SEMA6D: variants seen among roughly 807,000 people sequenced by gnomAD.
SEMA6D encodes semaphorin 6D, also known as semaphorin-6D.
In SEMA6D, 35 loss-of-function variants were observed where a neutral mutation model predicts 106.6. The observed-to-expected ratio is 0.33, with a 90% CI of 0.25 to 0.44. The LOEUF (loss-of-function observed/expected upper bound fraction) is 0.44. SEMA6D is among the 20% of genes least tolerant of loss of function. The pLI is 1.00. For missense variants in SEMA6D, 1,185 were observed against 1,345.9 expected (o/e 0.88, Z 1.87); for synonymous variants, 499 against 487.7 (o/e 1.02, Z -0.31).
chr15:47,526,973 G>A (rs764321570), intron 3 of SEMA6D, among the ~76,000 whole-genome samples: 16 of 152,092 alleles, frequency 1.1e-4, no homozygotes, highest in Non-Finnish European at 1.5e-4. Flanking sequence ...TCCTGAGCTC[G>A]TGATCTGCCC....
intron 4 of SEMA6D, among the ~76,000 whole-genome samples, chr15:47,648,259 G>T (rs1162035927): frequency 6.6e-6 from 1 of 152,134 alleles, no homozygotes; most frequent in Non-Finnish European, 1.5e-5. Context: ...TGTCTGCATG[G>T]GCTTCCTCCT....
chr15:47,307,439 A>G (rs573316505), intron 1 of SEMA6D, among the ~76,000 whole-genome samples: 1 of 152,340 alleles, frequency 6.6e-6, no homozygotes, highest in Admixed American at 6.5e-5. Flanking sequence ...GGTAATTCTC[A>G]GATTTTTCTT....
At chr15:47,563,155 A>G (rs1458567072) in intron 3 of SEMA6D, among the ~76,000 whole-genome samples, 1 of 152,202 alleles carries the variant, frequency 6.6e-6, no homozygotes, top group African/African-American at 2.4e-5. Context: ...TAGTCAATAG[A>G]TTAGTGATTG....
chr15:47,733,207 A>G (rs1441294980), intron 1 of SEMA6D, among the ~76,000 whole-genome samples: 2 of 151,996 alleles, frequency 1.3e-5, no homozygotes, highest in African/African-American at 2.4e-5. Flanking sequence ...CTTTCTTATC[A>G]CTTAATGAAA....
At chr15:47,555,599 G>T (rs1464998052) in intron 3 of SEMA6D, among the ~76,000 whole-genome samples, 1 of 152,144 alleles carries the variant, frequency 6.6e-6, no homozygotes. Flanking sequence ...TCATGTGGTG[G>T]TGGGGAGTCT....
chr15:47,697,281 A>G (rs973596789), intron 4 of SEMA6D, among the ~76,000 whole-genome samples: 1 of 152,164 alleles, frequency 6.6e-6, no homozygotes, highest in Non-Finnish European at 1.5e-5. Context: ...CAGGAAGGAC[A>G]TGTCTGTTCA....
At chr15:47,304,897 T>C (rs1253370228) in intron 1 of SEMA6D, among the ~76,000 whole-genome samples, 1 of 152,204 alleles carries the variant, frequency 6.6e-6, no homozygotes, top group Admixed American at 6.5e-5. Context: ...TCAACAACAA[T>C]ATTCAGTCCT....
intron 2 of SEMA6D, among the ~76,000 whole-genome samples, chr15:47,418,013 A>T (rs1008080236): frequency 2.0e-4 from 30 of 152,082 alleles, no homozygotes; most frequent in African/African-American, 7.0e-4. Context: ...TATAGCATTT[A>T]TATATTTTAT....
At chr15:47,500,458 A>G (rs2043812208) in intron 3 of SEMA6D, among the ~76,000 whole-genome samples, 1 of 152,152 alleles carries the variant, frequency 6.6e-6, no homozygotes. Flanking sequence ...TTTATTCCAT[A>G]CTTTTATCAA....
At chr15:47,672,253 C>A (rs2078151782) in intron 4 of SEMA6D, among the ~76,000 whole-genome samples, 1 of 152,212 alleles carries the variant, frequency 6.6e-6, no homozygotes, top group African/African-American at 2.4e-5. Context: ...TCCTGCTAAG[C>A]ATTTTGTGTC....
intron 4 of SEMA6D, among the ~76,000 whole-genome samples, chr15:47,628,382 A>G (rs936350281): frequency 6.6e-6 from 1 of 152,070 alleles, no homozygotes; most frequent in African/African-American, 2.4e-5. Flanking sequence ...TCTGACCAGC[A>G]AGGTATGTGA....
At chr15:47,669,278 A>G (rs1243124512) in intron 4 of SEMA6D, among the ~76,000 whole-genome samples, 81 of 152,262 alleles carry the variant, frequency 5.3e-4, no homozygotes, top group Non-Finnish European at 1.2e-4. Context: ...TCGCATATAC[A>G]TCTTTATCTC....
At chr15:47,327,275 A>G (rs1262251104) in intron 1 of SEMA6D, among the ~76,000 whole-genome samples, 1 of 152,254 alleles carries the variant, frequency 6.6e-6, no homozygotes, top group African/African-American at 2.4e-5. Flanking sequence ...ATTAAATCAG[A>G]TAATAAATGT....
intron 1 of SEMA6D, among the ~76,000 whole-genome samples, chr15:47,348,058 T>C (rs140879087): frequency 1.3e-5 from 2 of 152,192 alleles, no homozygotes; most frequent in African/African-American, 2.4e-5. Flanking sequence ...TAATAATTTT[T>C]CCAGTCAGAA....
intron 4 of SEMA6D, among the ~76,000 whole-genome samples, chr15:47,677,255 A>C (rs966107631): frequency 1.3e-5 from 2 of 152,192 alleles, no homozygotes; most frequent in Non-Finnish European, 2.9e-5. Flanking sequence ...CTTGACTAAC[A>C]GTAGGTGCTG....
At chr15:47,727,149 T>C (rs1163473034) in intron 1 of SEMA6D, among the ~76,000 whole-genome samples, 6 of 152,232 alleles carry the variant, frequency 3.9e-5, no homozygotes, top group Non-Finnish European at 8.8e-5. Context: ...CCTGGGGCTA[T>C]TAAAAATCTG....
At chr15:47,542,201 C>G (rs2045376571) in intron 3 of SEMA6D, among the ~76,000 whole-genome samples, 1 of 152,080 alleles carries the variant, frequency 6.6e-6, no homozygotes, top group Non-Finnish European at 1.5e-5. Flanking sequence ...CTATAATGTT[C>G]AAGAAATATT....
chr15:47,612,316 T>G (rs2143900330), intron 4 of SEMA6D, among the ~76,000 whole-genome samples: 1 of 152,174 alleles, frequency 6.6e-6, no homozygotes, highest in South Asian at 2.1e-4. Context: ...ACTGAGAAAA[T>G]AAGCAATTTT....
At chr15:47,411,466 G>A (rs1407735001) in intron 1 of SEMA6D, among the ~76,000 whole-genome samples, 1 of 152,098 alleles carries the variant, frequency 6.6e-6, no homozygotes, top group African/African-American at 2.4e-5. Flanking sequence ...GAAATATCAA[G>A]TGTGTTATTC....
Sources: allele counts gnomAD v4.1 joint callset (sites outside exome capture counted in the v4.1 genomes callset), GRCh38; gene constraint gnomAD v4.1.1; transcripts MANE v1.5; gene names NCBI Gene and HGNC (gene_info 2026-07-23, HGNC 2026-07-21).